ZCCHC4: variants seen among roughly 807,000 people sequenced by gnomAD.
The protein encoded by ZCCHC4 is zinc finger CCHC-type containing 4, also known as rRNA N(6)-adenosine-methyltransferase ZCCHC4.
A neutral mutation model predicts 67.7 loss-of-function variants in ZCCHC4; 54 were observed. The ratio of observed to expected loss-of-function variants is 0.80; its 90% CI spans 0.64 to 1.00. The LOEUF (loss-of-function observed/expected upper bound fraction) is 1.00. Ranked by LOEUF, ZCCHC4 falls within the 50% of genes least tolerant of loss-of-function variation. ZCCHC4 has a pLI of 0.00. For synonymous variants in ZCCHC4, 198 were observed against 213.5 expected (o/e 0.93, Z 0.63); for missense variants, 609 against 617.0 (o/e 0.99, Z 0.14).
intron 3 of ZCCHC4, among the ~76,000 whole-genome samples, chr4:25,317,553 A>T (rs1681103404): frequency 6.6e-6 from 1 of 151,938 alleles, no homozygotes; most frequent in Non-Finnish European, 1.5e-5. Flanking sequence ...CTCCACTAAA[A>T]TTACAAAAAT....
At chr4:25,356,352 A>G (rs1003558000) in intron 8 of ZCCHC4, among the ~76,000 whole-genome samples, 5 of 152,246 alleles carry the variant, frequency 3.3e-5, no homozygotes, top group Non-Finnish European at 5.9e-5. Flanking sequence ...GGCTGAAGCT[A>G]TGAAATATGG....
Position 25,316,658 on chromosome 4 carries a change from T to G in ZCCHC4, c.329+1258T>G, listed in dbSNP as rs563183159. Among the ~76,000 whole-genome samples, 6 of 152,332 alleles carry G rather than the reference T, an allele frequency of 3.9e-5. No individual in the cohort carries two copies. In the East Asian group the frequency reaches 1.2e-3, roughly 29 times the overall value. On this transcript the variant is annotated intron_variant, in intron 3 of 12. Coordinates refer to ENST00000302874, the MANE Select transcript of ZCCHC4 (RefSeq NM_024936.3). The stretch of plus-strand genomic sequence containing the variant: ...TCTGAGTCCTTTATCTATTTTTAAT[T>G]GGGTTATCTTTTTGTTGTTGAGTCA...
intron 8 of ZCCHC4, among the ~76,000 whole-genome samples, chr4:25,358,009 G>A (rs55836992): frequency 0.41 from 63,057 of 152,096 alleles, 15,604 homozygotes; most frequent in Non-Finnish European, 0.56. Flanking sequence ...GGATTTAGTG[G>A]CCAGGTGGAT....
Position 25,356,289 on chromosome 4 carries a change from A to G in ZCCHC4, c.1011+4600A>G, listed in dbSNP as rs558899059. On this transcript the variant is annotated intron_variant, in intron 8 of 12. Coordinates refer to ENST00000302874, the MANE Select transcript of ZCCHC4 (RefSeq NM_024936.3). ...TCAGCTCTACTACTAGTGATAGGCAATTTGCAAAATTGTGTTTGCTTTACA... is the reference window on the plus strand; with the variant it reads ...TCAGCTCTACTACTAGTGATAGGCAGTTTGCAAAATTGTGTTTGCTTTACA... Among the ~76,000 whole-genome samples the G allele has an allele frequency of 4.6e-5, 7 of 152,288 alleles. No homozygotes were observed. The South Asian group carries it at 1.4e-3, about 32-fold the overall frequency.
chr4:25,367,606 G>C (rs1235393890), intron 12 of ZCCHC4, among the ~76,000 whole-genome samples: 1 of 152,090 alleles, frequency 6.6e-6, no homozygotes, highest in Non-Finnish European at 1.5e-5. Flanking sequence ...TGGGGAAATA[G>C]ATTTATATAG....
intron 3 of ZCCHC4, among the ~76,000 whole-genome samples, chr4:25,316,628 A>G (rs915408055): frequency 1.9e-5 from 2 of 106,430 alleles, no homozygotes; most frequent in Non-Finnish European, 4.7e-5. Flanking sequence ...ATCTTTGGAA[A>G]AATGTCTGAG....
intron 3 of ZCCHC4, among the ~76,000 whole-genome samples, chr4:25,316,752 ATTCTGTAGG>A (rs1353902939): frequency 6.6e-6 from 1 of 152,154 alleles, no homozygotes; most frequent in Non-Finnish European, 1.5e-5. Flanking sequence ...ATTTTCTCCT[ATTCTGTAGG>A]TTGTCTTTTG....
intron 4 of ZCCHC4, 150 bp downstream of exon 4, chr4:25,333,608 T>C: frequency 1.2e-6 from 1 of 860,998 alleles, no homozygotes; most frequent in South Asian, 1.9e-5. Flanking sequence ...TTAAGGAGTT[T>C]GCAACCTGTA....
chr4:25,353,418 A>G (rs555537645), intron 8 of ZCCHC4, among the ~76,000 whole-genome samples: 26 of 152,336 alleles, frequency 1.7e-4, no homozygotes, highest in African/African-American at 5.8e-4. Flanking sequence ...CTCAAAGCTC[A>G]TTTAACTCGT....
rs375007027 is a variant in ZCCHC4, at chr4:25,317,726, AGAAAG to A, written c.329+2327_329+2331del. 4.3e-4 allele frequency among the ~76,000 whole-genome samples: 54 copies of A among 124,662 alleles called. 1 individual carries two copies. The highest frequency in any genetic ancestry group is 7.6e-4 in the South Asian group (3 of 3,948). The allele number at this position is 124,662 out of a possible 152,430, so 81.8% of individuals were successfully genotyped here. A position where few individuals can be genotyped will look rare whatever the true frequency, so the allele number is the denominator to read the frequency against. On this transcript the variant is annotated intron_variant, in intron 3 of 12. Transcript: ENST00000302874. ...TCACAAAAAAAAAAAAAAAAAAAAA[AGAAAG>A]AAAAGAAAATGGAGCACTACTGTGA...
chr4:25,355,894 G>A (rs376500350), intron 8 of ZCCHC4, among the ~76,000 whole-genome samples: 4 of 152,192 alleles, frequency 2.6e-5, no homozygotes, highest in African/African-American at 7.2e-5. Flanking sequence ...GCAGAAGAAG[G>A]TACTGGGGAC....
At chr4:25,362,362 A>G (rs1720777400) in intron 10 of ZCCHC4, 61 bp downstream of exon 10, 4 of 1,151,552 alleles carry the variant, frequency 3.5e-6, no homozygotes, top group Non-Finnish European at 4.8e-6. Context: ...TTAGTTTACT[A>G]GTTTTATTAC....
intron 5 of ZCCHC4, among the ~76,000 whole-genome samples, chr4:25,343,880 T>C (rs1394007604): frequency 6.6e-6 from 1 of 152,226 alleles, no homozygotes; most frequent in African/African-American, 2.4e-5. Flanking sequence ...TAAGTAAGGA[T>C]GTGTCTCAGA....
At chr4:25,346,386 G>C (rs1024693616) in intron 6 of ZCCHC4, among the ~76,000 whole-genome samples, 1 of 152,104 alleles carries the variant, frequency 6.6e-6, no homozygotes, top group Admixed American at 6.5e-5. Flanking sequence ...AACCAACCAA[G>C]TAATCACGCT....
chr4:25,347,174 A>G (rs1040792476), intron 6 of ZCCHC4, among the ~76,000 whole-genome samples: 1 of 152,200 alleles, frequency 6.6e-6, no homozygotes, highest in Admixed American at 6.5e-5. Context: ...ATCCTACACT[A>G]GTGAGTTAGG....
chr4:25,331,603 G>A (rs1719185041), intron 3 of ZCCHC4, among the ~76,000 whole-genome samples: 1 of 152,190 alleles, frequency 6.6e-6, no homozygotes, highest in Non-Finnish European at 1.5e-5. Context: ...CACTGTTCCT[G>A]GCCTGTTCAA....
chr4:25,350,276 T>TTTG (rs1560412293), intron 7 of ZCCHC4, among the ~76,000 whole-genome samples: 7 of 146,538 alleles, frequency 4.8e-5, no homozygotes, highest in African/African-American at 1.5e-4. Context: ...TTTTTTTTTT[T>TTTG]TTGAGACAGA....
rs149233993 is a variant in ZCCHC4, at chr4:25,339,110, C to T, written c.686+5122C>T. Among the ~76,000 whole-genome samples the T allele has an allele frequency of 3.3e-3, 495 of 152,250 alleles. 1 individual carries two copies. The highest frequency in any genetic ancestry group is 0.012 in the African/African-American group (478 of 41,540). On this transcript the variant is annotated intron_variant, in intron 5 of 12. Transcript: ENST00000302874. The stretch of plus-strand genomic sequence containing the variant: ...CTTCTCTTTGTGTGCGTATCCCTGG[C>T]GTTTCTTACTATGTCCAAATTTCCT...
rs756216619 is a variant in ZCCHC4, at chr4:25,314,073, C to T, written c.155C>T (p.Thr52Ile). 6.2e-7 allele frequency: 1 copy of T among 1,601,540 alleles called. No individual in the cohort carries two copies. Among genetic ancestry groups the T allele is most frequent in the Non-Finnish European group, 8.5e-7 (1 of 1,173,954 alleles). ...HGPTLLFVKV[T>I]QGKEETRRFY... The stretch of plus-strand genomic sequence containing the variant: ...CCCACTCTTCTGTTTGTAAAGGTGA[C>T]CCAAGGGAAAGAAGAAACTCGGAGG... Residue 52 changes from threonine (T) to isoleucine (I), a missense_variant, in exon 2 of 13, where the codon ACC (threonine) becomes ATC (isoleucine). Transcript: ENST00000302874.
Sources: allele counts gnomAD v4.1 joint callset (sites outside exome capture counted in the v4.1 genomes callset), GRCh38; gene constraint gnomAD v4.1.1; transcripts MANE v1.5; gene names NCBI Gene and HGNC (gene_info 2026-07-23, HGNC 2026-07-21).